The following PODXL variants were observed in gnomAD, a reference collection of about 807,000 sequenced individuals.
PODXL encodes the protein podocalyxin.
A neutral mutation model predicts 48.9 loss-of-function variants in PODXL; 20 were observed. The ratio of observed to expected loss-of-function variants is 0.41; its 90% CI spans 0.29 to 0.59. The LOEUF (loss-of-function observed/expected upper bound fraction) is 0.59. PODXL is among the 20% of genes least tolerant of loss of function. PODXL has a pLI of 0.31. For synonymous variants in PODXL, 295 were observed against 287.4 expected (o/e 1.03, Z -0.27); for missense variants, 606 against 675.1 (o/e 0.90, Z 1.13).
At chr7:131,530,648 G>A (rs1584822465) in intron 1 of PODXL, among the ~76,000 whole-genome samples, 1 of 151,778 alleles carries the variant, frequency 6.6e-6, no homozygotes, top group East Asian at 1.9e-4. Context: ...TCACGATGAG[G>A]TAGGAGGATC....
At chr7:131,548,981 C>G (rs1001475044) in intron 1 of PODXL, among the ~76,000 whole-genome samples, 12 of 152,332 alleles carry the variant, frequency 7.9e-5, no homozygotes, top group African/African-American at 2.6e-4. Flanking sequence ...GGAACAGCTA[C>G]TTTGAGCTAA....
chr7:131,509,049 T>C (rs1797862299), intron 4 of PODXL, 21 bp from the exon 5 acceptor site: 2 of 1,594,170 alleles, frequency 1.3e-6, no homozygotes, highest in Non-Finnish European at 1.7e-6. Context: ...CCACTGAGAT[T>C]AAGGTTTGGG....
chr7:131,511,002 G>C lies in PODXL; in HGVS notation c.532C>G (p.Leu178Val), dbSNP rs1393028806. Residue 178 changes from leucine to valine, a missense_variant, in exon 2 of 9, where the codon CTG (leucine) becomes GTG (valine). Coordinates refer to ENST00000378555, the MANE Select transcript of PODXL (RefSeq NM_001018111.3). ...GGACTTGTAGGGTGAGGGGTCGTCA[G>C]ATGTTCTGCCTTAGTGGATGTGAGG... ...TDLTSTKAEH[L>V]TTPHPTSPLS... The C allele has an allele frequency of 6.2e-7, 1 of 1,614,084 alleles. No individual in the cohort carries two copies. The highest frequency in any genetic ancestry group is 8.5e-7 in the Non-Finnish European group (1 of 1,180,046).
intron 1 of PODXL, among the ~76,000 whole-genome samples, chr7:131,555,087 C>T (rs963486866): frequency 6.6e-6 from 1 of 152,206 alleles, no homozygotes; most frequent in Admixed American, 6.5e-5. Context: ...CTGCCCACTA[C>T]CAAAGGTTTC....
chr7:131,506,422 C>CT (rs1000951537), intron 6 of PODXL, 101 bp from the exon 7 acceptor site: 2 of 1,458,924 alleles, frequency 1.4e-6, no homozygotes, highest in African/African-American at 2.8e-5. Context: ...TCTCAGTCTC[C>CT]TGAGTGTCTC....
chr7:131,543,533 C>T (rs375561922), intron 1 of PODXL, among the ~76,000 whole-genome samples: 5 of 152,194 alleles, frequency 3.3e-5, no homozygotes, highest in Admixed American at 1.3e-4. Context: ...TGATCTCAGC[C>T]CAACAAGTAG....
intron 1 of PODXL, among the ~76,000 whole-genome samples, chr7:131,513,194 GAA>G (rs1228602155): frequency 2.0e-5 from 3 of 152,182 alleles, no homozygotes; most frequent in African/African-American, 7.2e-5. Context: ...AGACTGGAAA[GAA>G]GAGTGTGTGG....
At chr7:131,530,496 G>A (rs1798260359) in intron 1 of PODXL, among the ~76,000 whole-genome samples, 1 of 152,122 alleles carries the variant, frequency 6.6e-6, no homozygotes, top group Non-Finnish European at 1.5e-5. Context: ...TATAATCCCA[G>A]CAATTTGGGA....
At chr7:131,541,283 A>G (rs1184874615) in intron 1 of PODXL, among the ~76,000 whole-genome samples, 1 of 150,086 alleles carries the variant, frequency 6.7e-6, no homozygotes, top group African/African-American at 2.5e-5. Context: ...AGAGCACACG[A>G]TCCGAATTTC....
At chr7:131,504,680 C>A (rs1210511454) in intron 8 of PODXL, among the ~76,000 whole-genome samples, 172 bp from the exon 9 acceptor site, 1 of 152,142 alleles carries the variant, frequency 6.6e-6, no homozygotes, top group Non-Finnish European at 1.5e-5. Flanking sequence ...TCAGCCTGCC[C>A]GGAACTAGTT....
intron 1 of PODXL, among the ~76,000 whole-genome samples, chr7:131,540,098 G>A (rs774144643): frequency 6.6e-6 from 1 of 152,024 alleles, no homozygotes; most frequent in African/African-American, 2.4e-5. Flanking sequence ...ATTGGAGTGC[G>A]GTGGCGCGAT....
At position 131,526,739 on chromosome 7, in the gene PODXL, C is replaced by CTTTT. The variant is rs57935236; in HGVS notation, c.101-15310_101-15307dup. Among the ~76,000 whole-genome samples the CTTTT allele has an allele frequency of 7.7e-3, 694 of 90,464 alleles. 72 individuals carry two copies. The highest frequency in any genetic ancestry group is 0.026 in the African/African-American group (582 of 22,546). 59.3% of individuals were successfully genotyped at this position (90,464 alleles called of 152,430 possible). A position where few individuals can be genotyped will look rare whatever the true frequency, so the allele number is the denominator to read the frequency against. ...TTGTTCAATCCACAACTTCCTTACT[C>CTTTT]TTTTTTTTTTTTTTTTTTTTGAGAC... On this transcript the variant is annotated intron_variant, in intron 1 of 8. Coordinates refer to ENST00000378555, the MANE Select transcript of PODXL (RefSeq NM_001018111.3).
intron 1 of PODXL, among the ~76,000 whole-genome samples, chr7:131,532,095 T>C (rs1798288273): frequency 7.2e-6 from 1 of 138,066 alleles, no homozygotes; most frequent in African/African-American, 2.7e-5. Context: ...AGAGCGAAAC[T>C]CCATCTCAAA....
At chr7:131,504,898 G>A (rs1797772943) in intron 8 of PODXL, among the ~76,000 whole-genome samples, 1 of 152,202 alleles carries the variant, frequency 6.6e-6, no homozygotes, top group South Asian at 2.1e-4. Flanking sequence ...GGGTGACTGA[G>A]CCCTCAAGCC....
At chr7:131,554,636 C>A (rs1798716610) in intron 1 of PODXL, among the ~76,000 whole-genome samples, 1 of 152,186 alleles carries the variant, frequency 6.6e-6, no homozygotes, top group Admixed American at 6.5e-5. Flanking sequence ...GACTTATGAA[C>A]ATTTCCTTTT....
chr7:131,518,089 CTAATCCAGTATGACTTCATCT>C (rs1798031246), intron 1 of PODXL, among the ~76,000 whole-genome samples: 1 of 152,094 alleles, frequency 6.6e-6, no homozygotes, highest in South Asian at 2.1e-4. Flanking sequence ...AGAGCCCTCC[CTAATCCAGTATGACTTCATCT>C]TAACTTGATT....
chr7:131,510,214 G>A (rs1262562620), intron 3 of PODXL, 22 bp downstream of exon 3: 9 of 446,592 alleles, frequency 2.0e-5, no homozygotes, highest in East Asian at 7.5e-5. Context: ...AACAGGTATC[G>A]GCCGGGCATG....
At chr7:131,534,511 C>CCTG (rs1798337997) in intron 1 of PODXL, among the ~76,000 whole-genome samples, 1 of 152,032 alleles carries the variant, frequency 6.6e-6, no homozygotes. Flanking sequence ...GTGTCAGGGC[C>CCTG]ACAGGGGTGG....
chr7:131,549,022 A>G (rs892839228), intron 1 of PODXL, among the ~76,000 whole-genome samples: 4 of 152,244 alleles, frequency 2.6e-5, no homozygotes, highest in African/African-American at 7.2e-5. Context: ...GCTACAGCAC[A>G]ATGGAAGTCC....
Sources: gnomAD v4.1 joint callset for allele counts (sites outside exome capture counted in the v4.1 genomes callset) on GRCh38, gnomAD v4.1.1 for gene constraint, MANE v1.5 for transcripts, NCBI Gene and HGNC (gene_info 2026-07-23, HGNC 2026-07-21) for gene names.